The following DNM1 variants were observed in gnomAD, a reference collection of about 807,000 sequenced individuals.
DNM1 encodes the protein dynamin 1, also known as dynamin-1.
Under a neutral mutation model 104.6 loss-of-function variants are expected in DNM1, and 29 were observed. The ratio of observed to expected loss-of-function variants is 0.28; its 90% confidence interval spans 0.21 to 0.38. DNM1 has a LOEUF of 0.38. Among genes scored for constraint, DNM1 ranks in the 10% least tolerant of loss-of-function variants. The pLI, the probability that DNM1 is intolerant of heterozygous loss-of-function variation, is 1.00. For missense variants in DNM1, 640 were observed against 1,189.4 expected, an observed-to-expected ratio of 0.54 and a Z score of 6.79; for synonymous variants, 445 against 475.8, an observed-to-expected ratio of 0.94 and a Z score of 0.84.
Position 128,253,681 on chromosome 9 carries a change from G to A in DNM1, c.2535-973G>A, listed in dbSNP as rs755350479. ...ACCTCCTCTATCTGCCGGCAATCCA[G>A]TGGTGACCTAGGGTAAAAGCTTGAG... On this transcript the variant is annotated intron_variant, in intron 21 of 21. Coordinates refer to ENST00000372923, the MANE Select transcript of DNM1 (RefSeq NM_004408.4). The surrounding 1 kb of genome is among the most constrained non-coding windows in gnomAD (Gnocchi z 5.9). The A allele has an allele frequency of 5.7e-5, 14 of 245,734 alleles. No individual in the cohort carries two copies. The highest frequency in any genetic ancestry group is 1.1e-4 in the Non-Finnish European group (14 of 129,450). 15.2% of individuals were successfully genotyped at this position (245,734 alleles called of 1,614,324 possible). A position where few individuals can be genotyped will look rare whatever the true frequency, so the allele number is the denominator to read the frequency against.
At chr9:128,233,875 G>C in intron 10 of DNM1, 146 bp from the exon 11 acceptor site, 2 of 701,444 alleles carry the variant, frequency 2.9e-6, no homozygotes, top group South Asian at 1.7e-5. Flanking sequence ...CAGCGTCCTG[G>C]GACCCTAGGT....
rs61020870 is a variant in DNM1, at chr9:128,220,742, C to CGCGCGCGCGCGCGCGTGT, written c.849+402_849+403insCGCGCGCGCGCGCGTGTG. Among the ~76,000 whole-genome samples, 2 of 136,278 alleles carry CGCGCGCGCGCGCGCGTGT rather than the reference C, an allele frequency of 1.5e-5. No individual in the cohort carries two copies. The highest frequency in any genetic ancestry group is 2.8e-4 in the South Asian group (1 of 3,538). The allele number at this position is 136,278 out of a possible 152,430, so 89.4% of individuals were successfully genotyped here. A position where few individuals can be genotyped will look rare whatever the true frequency, so the allele number is the denominator to read the frequency against. Reference sequence around the variant, plus strand: ...CAGAACTGAAGTGCGCGCGCGCGCGCGTGTGTGTGTGTGTGTGTGTGTGTG... The same window carrying CGCGCGCGCGCGCGCGTGT: ...CAGAACTGAAGTGCGCGCGCGCGCGCGCGCGCGCGCGCGCGTGTGTGTGTGTGTGTGTGTGTGTGTGTG... On this transcript the variant is annotated intron_variant, in intron 6 of 21. Coordinates refer to ENST00000372923, the MANE Select transcript of DNM1 (RefSeq NM_004408.4). This position sits in a 1 kb window ranked among gnomAD's most constrained non-coding sequence, Gnocchi z 5.2.
At position 128,247,484 on chromosome 9, in the gene DNM1, G is replaced by C. The variant is rs1333859821; in HGVS notation, c.1891G>C (p.Gly631Arg). 2 of 1,605,770 alleles carry C rather than the reference G, an allele frequency of 1.2e-6. No individual in the cohort carries two copies. Among genetic ancestry groups the C allele is most frequent in the African/African-American group, 1.3e-5 (1 of 74,788 alleles). ...GGCTGGCGTGTACCCTGAGCGTGTTGGGGTGAGTGGCAGGGCAAGGAGAGG... is the reference window on the plus strand; with the variant it reads ...GGCTGGCGTGTACCCTGAGCGTGTTCGGGTGAGTGGCAGGGCAAGGAGAGG... ...LRAGVYPERV[G>R]DKEKASETEE... The change falls in exon 17 of 22, where the codon GGG becomes CGG. Residue 631 changes from glycine (G) to arginine (R), a missense_variant and splice_region_variant. This residue lies in a region of DNM1 where 91 missense variants were observed against 256.3 expected (regional missense o/e 0.36). Coordinates refer to ENST00000372923, the MANE Select transcript of DNM1 (RefSeq NM_004408.4). This position sits in a 1 kb window ranked among gnomAD's most constrained non-coding sequence, Gnocchi z 5.1.
At chr9:128,249,368 G>A (rs59747342) in intron 19 of DNM1, among the ~76,000 whole-genome samples, 7,886 of 151,310 alleles carry the variant, frequency 0.052, 659 homozygotes, top group African/African-American at 0.18. Flanking sequence ...AAAGAATAGC[G>A]GGGGTTGGCC....
At position 128,240,399 on chromosome 9, in the gene DNM1, C is replaced by T. The variant is rs1281109652; in HGVS notation, c.1557+403C>T. 4.4e-6 allele frequency: 1 copy of T among 229,536 alleles called. No individual in the cohort carries two copies. Among genetic ancestry groups the T allele is most frequent in the Admixed American group, 5.4e-5 (1 of 18,594 alleles). 14.2% of individuals were successfully genotyped at this position (229,536 alleles called of 1,614,324 possible). On this transcript the variant is annotated intron_variant, in intron 14 of 21. Coordinates refer to ENST00000372923, the MANE Select transcript of DNM1 (RefSeq NM_004408.4). This position sits in a 1 kb window ranked among gnomAD's most constrained non-coding sequence, Gnocchi z 5.1. ...CAAGAGAAGTCAAGAAGTCACTGCT[C>T]ACCTGGCCTCCTGCTCTCTGTCCTT...
At chr9:128,219,381 T>C in intron 4 of DNM1, 129 bp downstream of exon 4, 1 of 854,616 alleles carries the variant, frequency 1.2e-6, no homozygotes, top group Non-Finnish European at 1.8e-6. Flanking sequence ...TAAAAATCAC[T>C]TTGGGGGTCA....
chr9:128,222,908 TC>T lies in DNM1; in HGVS notation c.1196+49del. ...GTGGCTGAACCCCAGAAGTAGGGGGTCTGGGACAGAGGCACAGGGAGTGATG... is the reference window on the plus strand; with the variant it reads ...GTGGCTGAACCCCAGAAGTAGGGGGTTGGGACAGAGGCACAGGGAGTGATG... On this transcript the variant is annotated intron_variant, in intron 9 of 21. Transcript: ENST00000372923. The surrounding 1 kb of genome is among the most constrained non-coding windows in gnomAD (Gnocchi z 7.8). 6.3e-7 allele frequency: 1 copy of T among 1,582,664 alleles called. No individual in the cohort carries two copies. Among genetic ancestry groups the T allele is most frequent in the Non-Finnish European group, 8.7e-7 (1 of 1,153,048 alleles).
rs755919664 is a variant in DNM1 at position 128,242,385 on chromosome 9, T to C, written c.1671+40T>C. 2.0e-5 allele frequency: 24 copies of C among 1,195,696 alleles called. No homozygotes were observed. In the Admixed American group the frequency reaches 3.1e-4, roughly 15 times the overall value. 74.1% of individuals were successfully genotyped at this position (1,195,696 alleles called of 1,614,324 possible). On this transcript the variant is annotated intron_variant, in intron 15 of 21. Coordinates refer to ENST00000372923, the MANE Select transcript of DNM1 (RefSeq NM_004408.4). Reference sequence around the variant, plus strand: ...AGTGGTCATCAAGGGGCTGGGCTGGTGGACAGAGTCAGGCTCAGACCCTCC... The same window carrying C: ...AGTGGTCATCAAGGGGCTGGGCTGGCGGACAGAGTCAGGCTCAGACCCTCC...
At chr9:128,242,104 C>T (rs1012658062) in intron 14 of DNM1, 128 bp from the exon 15 acceptor site, 2 of 680,872 alleles carry the variant, frequency 2.9e-6, no homozygotes, top group East Asian at 2.7e-5. Flanking sequence ...GGCCCCCACC[C>T]TCCCTGACTG....
At chr9:128,221,034 T>C (rs551787901) in intron 6 of DNM1, 2 of 139,346 alleles carry the variant, frequency 1.4e-5, no homozygotes, top group Non-Finnish European at 3.0e-5. Flanking sequence ...TCTTTCTTTC[T>C]TTCTCTCTTT....
chr9:128,222,799 T>C lies in DNM1; in HGVS notation c.1135T>C (p.Phe379Leu), dbSNP rs775824391. The change falls in exon 9 of 22, where the codon TTT (phenylalanine) becomes CTT (leucine). Residue 379 changes from phenylalanine (F) to leucine (L), a missense_variant. Physicochemically the swap from Phe to Leu is conservative, Grantham distance 22. Transcript: ENST00000372923. This position sits in a 1 kb window ranked among gnomAD's most constrained non-coding sequence, Gnocchi z 7.8. ...TCTCTGCTTTTCTACACAGATGGAG[T>C]TTGATGAGAAGGAACTCCGAAGGGA... ...RFPFELVKME[F>L]DEKELRREIS... 3.1e-6 allele frequency: 5 copies of C among 1,613,902 alleles called. No homozygotes were observed. Among genetic ancestry groups the C allele is most frequent in the Non-Finnish European group, 4.2e-6 (5 of 1,179,966 alleles).
chr9:128,231,184 A>G (rs1265559332), intron 10 of DNM1, among the ~76,000 whole-genome samples: 1 of 136,572 alleles, frequency 7.3e-6, no homozygotes, highest in Non-Finnish European at 1.5e-5. Context: ...GAGGAAACTG[A>G]TACTTTTGCC....
At chr9:128,234,888 G>A (rs1245590220) in intron 11 of DNM1, 2 of 152,148 alleles carry the variant, frequency 1.3e-5, no homozygotes, top group African/African-American at 4.8e-5. Flanking sequence ...CGCTTCCGGA[G>A]TTCAAGCGAT....
At chr9:128,249,158 A>C (rs1588454803) in intron 19 of DNM1, among the ~76,000 whole-genome samples, 1 of 146,158 alleles carries the variant, frequency 6.8e-6, no homozygotes, top group Non-Finnish European at 1.5e-5. Flanking sequence ...CTGCCACTGC[A>C]CTCCAGCCTG....
chr9:128,204,737 C>G (rs1172276228), intron 1 of DNM1: 1 of 152,470 alleles, frequency 6.6e-6, no homozygotes, highest in Non-Finnish European at 1.5e-5. Context: ...TCATCTCCCC[C>G]CCATCTTCTT....
At position 128,228,185 on chromosome 9, in the gene DNM1, G is replaced by T. The variant is rs141459787; in HGVS notation, c.1335+3796G>T. On this transcript the variant is annotated intron_variant, in intron 10 of 21. Transcript: ENST00000372923. ...GCCTCCCGAGTAGCTGGGATTACAG[G>T]CTCCTCCCACCACACCCAGCTAATT... Among the ~76,000 whole-genome samples, 16 of 152,124 alleles carry T rather than the reference G, an allele frequency of 1.1e-4. No individual in the cohort carries two copies. The East Asian group carries it at 2.3e-3, about 22-fold the overall frequency.
Position 128,254,220 on chromosome 9 carries a change from A to T in DNM1, c.2535-434A>T. On this transcript the variant is annotated intron_variant, in intron 21 of 21. Transcript: ENST00000372923. The surrounding 1 kb of genome is among the most constrained non-coding windows in gnomAD (Gnocchi z 6.1). Reference sequence around the variant, plus strand: ...CTTTTAGTTTCACCCTCCTGGTTCAAGCAGTGTTCTTTCTCTATCAGGCCT... The same window carrying T: ...CTTTTAGTTTCACCCTCCTGGTTCATGCAGTGTTCTTTCTCTATCAGGCCT... 2 of 1,347,728 alleles carry T rather than the reference A, an allele frequency of 1.5e-6. No individual in the cohort carries two copies. Among genetic ancestry groups the T allele is most frequent in the South Asian group, 4.1e-5 (2 of 48,590 alleles). The allele number at this position is 1,347,728 out of a possible 1,614,324, so 83.5% of individuals were successfully genotyped here.
In DNM1 at chr9:128,239,740, G is replaced by A. The variant is rs1472917104; in HGVS notation, c.1506G>A (p.Arg502=). The A allele has an allele frequency of 6.2e-6, 10 of 1,613,592 alleles. No homozygotes were observed. Among genetic ancestry groups the A allele is most frequent in the African/African-American group, 1.3e-5 (1 of 74,824 alleles). ...DFIGFANAQQ[R]SNQMNKKKTS... is the part of the protein sequence containing the mutation. ...TCCCTCCCATTAGTGCTCAGCAGAG[G>A]AGCAACCAGATGAACAAGAAGAAGA... is the stretch of plus-strand genomic sequence containing the variant. Residue 502 remains arginine (R), a synonymous_variant, in exon 13 of 22, where the codon AGG becomes AGA. Transcript: ENST00000372923.
intron 10 of DNM1, chr9:128,232,808 C>G (rs1835779975): frequency 6.6e-6 from 1 of 152,538 alleles, no homozygotes; most frequent in Admixed American, 6.5e-5. Context: ...CCCGGAAGAG[C>G]TGATCATGGG....
Sources: allele counts gnomAD v4.1 joint callset (sites outside exome capture counted in the v4.1 genomes callset), GRCh38; gene constraint gnomAD v4.1.1; regional missense constraint gnomAD v4.1.1; non-coding constraint Gnocchi (gnomAD v3.1); transcripts MANE v1.5; gene names NCBI Gene and HGNC (gene_info 2026-07-23, HGNC 2026-07-21).